MLKL: variants seen among roughly 807,000 people sequenced by gnomAD.
The protein encoded by MLKL is mixed lineage kinase domain like pseudokinase.
In MLKL, 55 loss-of-function variants were observed where a neutral mutation model predicts 56.5. That is an observed-to-expected ratio of 0.97 (90% CI 0.78 to 1.22). The LOEUF (loss-of-function observed/expected upper bound fraction) is 1.22. Ranked by LOEUF, MLKL falls within the 50% of genes most tolerant of loss-of-function variation. The pLI is 0.00. For synonymous variants in MLKL, 251 were observed against 208.3 expected, an observed-to-expected ratio of 1.20 and a Z score of -1.76; for missense variants, 694 against 573.9, an observed-to-expected ratio of 1.21 and a Z score of -2.14.
chr16:74,692,520 A>G (rs1597507952), intron 2 of MLKL, 104 bp from the exon 3 acceptor site: 6 of 873,394 alleles, frequency 6.9e-6, no homozygotes, highest in East Asian at 2.6e-5. Context: ...TTTTTTACCT[A>G]TCATATTCAT....
At chr16:74,691,793 T>C (rs1869739460) in intron 3 of MLKL, among the ~76,000 whole-genome samples, 1 of 152,198 alleles carries the variant, frequency 6.6e-6, no homozygotes, top group Non-Finnish European at 1.5e-5. Flanking sequence ...TACCCAGAGC[T>C]TGGCACTTGA....
At chr16:74,691,576 C>T (rs1960683609) in intron 3 of MLKL, 113 bp from the exon 4 acceptor site, 1 of 1,201,462 alleles carries the variant, frequency 8.3e-7, no homozygotes, top group Non-Finnish European at 1.2e-6. Context: ...CTACATGAAC[C>T]AGAGCTGGTG....
intron 7 of MLKL, chr16:74,676,759 A>T (rs970976430): frequency 6.6e-6 from 1 of 152,240 alleles, no homozygotes; most frequent in African/African-American, 2.4e-5. Context: ...TCTATGGATG[A>T]CAAAGAAAAC....
In MLKL at chr16:74,685,525, T is replaced by C; in HGVS notation, c.781A>G (p.Asn261Asp). ...CAAATCCCAAATATACGCAGGATGT[T>C]GGGAGATTCGAATTTCTTCATGGTT... ...IKTMKKFESP[N>D]ILRIFGICID... The change falls in exon 5 of 11, where the codon AAC becomes GAC. Residue 261 changes from asparagine (N) to aspartate (D), a missense_variant. Physicochemically the swap from Asn to Asp is conservative, Grantham distance 23. Coordinates refer to ENST00000308807, the MANE Select transcript of MLKL (RefSeq NM_152649.4). 1.2e-6 allele frequency: 2 copies of C among 1,614,156 alleles called. No individual in the cohort carries two copies. The highest frequency in any genetic ancestry group is 1.7e-5 in the Admixed American group (1 of 60,012).
At chr16:74,689,869 G>A (rs929784032) in intron 4 of MLKL, among the ~76,000 whole-genome samples, 11 of 152,108 alleles carry the variant, frequency 7.2e-5, no homozygotes, top group Admixed American at 2.6e-4. Flanking sequence ...CCTACATAAC[G>A]TCACATACAA....
At chr16:74,673,952 T>TAA (rs5817923) in intron 10 of MLKL, among the ~76,000 whole-genome samples, 11,343 of 104,474 alleles carry the variant, frequency 0.11, 677 homozygotes, top group Admixed American at 0.2. Context: ...ACCTCCTCTC[T>TAA]AAAAAAAAAA....
Position 74,675,357 on chromosome 16 carries a change from T to A in MLKL, c.1238A>T (p.Gln413Leu), listed in dbSNP as rs773862525. The A allele has an allele frequency of 2.8e-5, 45 of 1,613,988 alleles. No homozygotes were observed. The highest frequency in any genetic ancestry group is 3.7e-5 in the Non-Finnish European group (44 of 1,180,032). ...WEIATGDIPF[Q>L]GCNSEKIRKL... ...GAGCCAGTCTTCACATTCTTCACCT[T>A]GAAACGGGATATCTCCAGTGGCGAT... Residue 413 changes from glutamine to leucine, a missense_variant and splice_region_variant, in exon 9 of 11, where the codon CAA (glutamine) becomes CTA (leucine). By Grantham distance (113) the Gln-to-Leu change is moderately radical. Coordinates refer to ENST00000308807, the MANE Select transcript of MLKL (RefSeq NM_152649.4).
rs752766640 is a variant in MLKL, at chr16:74,692,432, G to A, written c.461-16C>T. 4.3e-5 allele frequency: 69 copies of A among 1,599,400 alleles called. No homozygotes were observed. In the South Asian group the frequency reaches 6.8e-4, roughly 16 times the overall value. On this transcript the variant is annotated splice_polypyrimidine_tract_variant and intron_variant, in intron 2 of 10. Transcript: ENST00000308807. ...TTTTCATTATCTGCAGGAAAAAAGG[G>A]CAGTATATGCTCAAAATAGATATTA...
At chr16:74,699,474 A>G (rs1405375344) in intron 1 of MLKL, among the ~76,000 whole-genome samples, 1 of 152,242 alleles carries the variant, frequency 6.6e-6, no homozygotes, top group Admixed American at 6.5e-5. Flanking sequence ...AGGTCTTATT[A>G]AGTATATGAT....
intron 7 of MLKL, 21 bp downstream of exon 7, chr16:74,678,878 G>A (rs750059897): frequency 1.0e-5 from 16 of 1,605,870 alleles, no homozygotes; most frequent in Middle Eastern, 1.6e-4. Flanking sequence ...GACCCAAAGC[G>A]CCCCCGCAAG....
chr16:74,689,814 T>C (rs1230056525), intron 4 of MLKL, among the ~76,000 whole-genome samples: 1 of 152,114 alleles, frequency 6.6e-6, no homozygotes, highest in African/African-American at 2.4e-5. Context: ...TAATAGATGG[T>C]ATAGAGAAAA....
chr16:74,679,079 G>T, intron 6 of MLKL, 99 bp from the exon 7 acceptor site: 1 of 897,244 alleles, frequency 1.1e-6, no homozygotes, highest in East Asian at 2.5e-5. Flanking sequence ...ACAGTACCAT[G>T]GGTGCCTGTC....
At chr16:74,674,158 T>TC (rs1468277461) in intron 10 of MLKL, among the ~76,000 whole-genome samples, 1 of 147,308 alleles carries the variant, frequency 6.8e-6, no homozygotes, top group East Asian at 2.0e-4. Flanking sequence ...ATAGCATTCT[T>TC]TTTTTTTTTT....
intron 4 of MLKL, among the ~76,000 whole-genome samples, chr16:74,690,862 G>C (rs1287458019): frequency 1.4e-5 from 2 of 147,448 alleles, no homozygotes; most frequent in Admixed American, 1.4e-4. Flanking sequence ...AAGGAGTCCA[G>C]ATATGGAACA....
intron 6 of MLKL, among the ~76,000 whole-genome samples, chr16:74,681,237 G>A (rs1372469144): frequency 6.6e-6 from 1 of 151,926 alleles, no homozygotes; most frequent in Non-Finnish European, 1.5e-5. Context: ...CGTTGGCCAG[G>A]CTAGTCTCCA....
intron 1 of MLKL, among the ~76,000 whole-genome samples, 182 bp downstream of exon 1, chr16:74,700,271 A>C (rs990827192): frequency 6.6e-6 from 1 of 152,002 alleles, no homozygotes; most frequent in Non-Finnish European, 1.5e-5. Context: ...GCTTTGGCGG[A>C]AGGTAGTGCG....
chr16:74,699,781 C>CA lies in MLKL; in HGVS notation c.-3+671dup, dbSNP rs772013414. On this transcript the variant is annotated intron_variant, in intron 1 of 10. Transcript: ENST00000308807. ...GAGACCCTGGCTCTACCAAAAAATA[C>CA]AAAAAAAATTTAATTGGGTGTGGTG... 1.0e-3 allele frequency among the ~76,000 whole-genome samples: 153 copies of CA among 151,734 alleles called. 1 individual carries two copies. Among genetic ancestry groups the CA allele is most frequent in the Admixed American group, 1.3e-3 (20 of 15,216 alleles).
chr16:74,683,288 A>C (rs1312633837), intron 5 of MLKL, among the ~76,000 whole-genome samples: 1 of 107,494 alleles, frequency 9.3e-6, no homozygotes. Context: ...GTGACACTAC[A>C]TCTCAAAAAA....
intron 1 of MLKL, among the ~76,000 whole-genome samples, chr16:74,696,391 A>C (rs1173218161): frequency 6.6e-6 from 1 of 152,156 alleles, no homozygotes; most frequent in Non-Finnish European, 1.5e-5. Flanking sequence ...GGTAGTCTTT[A>C]CTGCCACAGA....
Sources: gnomAD v4.1 joint callset for allele counts (sites outside exome capture counted in the v4.1 genomes callset) on GRCh38, gnomAD v4.1.1 for gene constraint, MANE v1.5 for transcripts, NCBI Gene and HGNC (gene_info 2026-07-23, HGNC 2026-07-21) for gene names.